Variants in IGF1 observed in about 807,000 individuals in gnomAD.
IGF1 encodes the protein insulin-like growth factor 1.
IGF1 carries 4 observed loss-of-function variants against 13.8 expected under a neutral mutation model. That is an observed-to-expected ratio of 0.29 (90% CI 0.14 to 0.66). The LOEUF is 0.66. Ranked by LOEUF, IGF1 falls within the 30% of genes least tolerant of loss-of-function variation. The probability of loss-of-function intolerance (pLI) is 0.78; values close to 1 mark genes in which losing one functional copy is unlikely to be tolerated. For missense variants in IGF1, 124 were observed against 188.5 expected (o/e 0.66, Z 2.00); for synonymous variants, 76 against 72.6 (o/e 1.05, Z -0.23).
chr12:102,457,597 T>C (rs558608208), intron 2 of IGF1, among the ~76,000 whole-genome samples: 3 of 152,326 alleles, frequency 2.0e-5, no homozygotes, highest in Non-Finnish European at 1.5e-5. Context: ...AGGTGTAAAT[T>C]CCACCTACTT....
At position 102,419,501 on chromosome 12, in the gene IGF1, G is replaced by T; in HGVS notation, c.402+8C>A. ...GAGGATGGCTGGATCCCACCCAGGTGGGCTTACCTTCTGGGTCTTGGGCAT... is the reference window on the plus strand; with the variant it reads ...GAGGATGGCTGGATCCCACCCAGGTTGGCTTACCTTCTGGGTCTTGGGCAT... On this transcript the variant is annotated splice_region_variant and intron_variant, in intron 3 of 3. Transcript: ENST00000337514. 6.2e-7 allele frequency: 1 copy of T among 1,611,672 alleles called. No homozygotes were observed.
rs1873376418 is a variant in IGF1, at chr12:102,398,100, AAAC to A, written c.*4404_*4406del. The A allele has an allele frequency of 1.3e-5, 2 of 151,958 alleles. No homozygotes were observed. The highest frequency in any genetic ancestry group is 2.4e-5 in the African/African-American group (1 of 41,356). The allele number at this position is 151,958 out of a possible 1,614,324, so 9.4% of individuals were successfully genotyped here. On this transcript the variant is annotated 3_prime_UTR_variant, in exon 4 of 4. Coordinates refer to ENST00000337514, the MANE Select transcript of IGF1 (RefSeq NM_000618.5). ...ACTGTATAAAGTAAAAAAAAAAAAA[AAAC>A]AAAAACAAGAAACAAAAAATCTTCA...
intron 2 of IGF1, among the ~76,000 whole-genome samples, chr12:102,444,565 T>G (rs1270817299): frequency 2.6e-5 from 4 of 152,084 alleles, no homozygotes; most frequent in African/African-American, 9.7e-5. Flanking sequence ...GGAATACTCT[T>G]TATAGATTAA....
chr12:102,404,738 A>G (rs1317266712), intron 3 of IGF1, among the ~76,000 whole-genome samples: 1 of 148,370 alleles, frequency 6.7e-6, no homozygotes, highest in Non-Finnish European at 1.5e-5. Context: ...GTTCCCAGTA[A>G]ACTTGTGTTT....
chr12:102,481,041 G>A (rs1272709151), upstream of IGF1, among the ~76,000 whole-genome samples: 1 of 152,184 alleles, frequency 6.6e-6, no homozygotes, highest in Non-Finnish European at 1.5e-5. Flanking sequence ...AAAGTAGATT[G>A]GAAGACAGCA....
intron 2 of IGF1, among the ~76,000 whole-genome samples, chr12:102,459,664 A>C (rs113600354): frequency 1.1e-4 from 16 of 151,230 alleles, no homozygotes; most frequent in African/African-American, 3.9e-4. Flanking sequence ...CCGGCTAAAA[A>C]CTCCACTTGC....
intron 2 of IGF1, among the ~76,000 whole-genome samples, chr12:102,441,336 G>C (rs1200161195): frequency 6.6e-6 from 1 of 152,190 alleles, no homozygotes; most frequent in Non-Finnish European, 1.5e-5. Context: ...TAACCAGGCA[G>C]GCAATATATT....
chr12:102,441,939 T>TCTCCTTCTC (rs1877836980), intron 2 of IGF1, among the ~76,000 whole-genome samples: 1 of 136,782 alleles, frequency 7.3e-6, no homozygotes, highest in African/African-American at 2.7e-5. Context: ...TTCTTCTTCT[T>TCTCCTTCTC]CTTCTTCTTC....
chr12:102,449,584 T>C (rs1010714105), intron 2 of IGF1, among the ~76,000 whole-genome samples: 3 of 150,782 alleles, frequency 2.0e-5, no homozygotes, highest in Admixed American at 6.6e-5. Flanking sequence ...TACGGTTTTC[T>C]GTTTGCAGAA....
rs1046600247 is a variant in IGF1 at position 102,397,116 on chromosome 12, C to T, written c.*5391G>A. 4.9e-5 allele frequency: 15 copies of T among 308,684 alleles called. No homozygotes were observed. The highest frequency in any genetic ancestry group is 1.8e-5 in the Non-Finnish European group (3 of 170,492). The allele number at this position is 308,684 out of a possible 1,614,324, so 19.1% of individuals were successfully genotyped here. A position where few individuals can be genotyped will look rare whatever the true frequency, so the allele number is the denominator to read the frequency against. ...ACTCAGGAGGCTGAGGCAGGAGAAT[C>T]GCTTAAACCCAGGAGGTGGAGGTTG... On this transcript the variant is annotated 3_prime_UTR_variant, in exon 4 of 4. Coordinates refer to ENST00000337514, the MANE Select transcript of IGF1 (RefSeq NM_000618.5).
At chr12:102,430,615 T>C (rs1393732776) in intron 2 of IGF1, among the ~76,000 whole-genome samples, 3 of 152,196 alleles carry the variant, frequency 2.0e-5, no homozygotes, top group Non-Finnish European at 2.9e-5. Context: ...AAAAAAAGAA[T>C]TTTAGTAAAA....
At position 102,456,801 on chromosome 12, in the gene IGF1, T is replaced by C. The variant is rs17032577; in HGVS notation, c.220+18842A>G. On this transcript the variant is annotated intron_variant, in intron 2 of 3. Transcript: ENST00000337514. ...AAATCATACATGACCCAAAAAGGAATGACAGTCCCCACGTTCCAAAGGAAG... is the reference window on the plus strand; with the variant it reads ...AAATCATACATGACCCAAAAAGGAACGACAGTCCCCACGTTCCAAAGGAAG... Among the ~76,000 whole-genome samples the C allele has an allele frequency of 1.0e-3, 152 of 152,322 alleles. 1 individual carries two copies. The East Asian group carries it at 0.028, about 28-fold the overall frequency.
chr12:102,435,667 T>C (rs1454435456), intron 2 of IGF1, among the ~76,000 whole-genome samples: 1 of 152,232 alleles, frequency 6.6e-6, no homozygotes, highest in Non-Finnish European at 1.5e-5. Flanking sequence ...TCCACCCACA[T>C]ACTTGTCCCC....
At chr12:102,442,569 T>C (rs757175756) in intron 2 of IGF1, among the ~76,000 whole-genome samples, 7 of 152,124 alleles carry the variant, frequency 4.6e-5, no homozygotes, top group Non-Finnish European at 8.8e-5. Flanking sequence ...CAGGCTCCTT[T>C]TTAAGCTCTG....
chr12:102,436,835 G>A (rs1877277429), intron 2 of IGF1, among the ~76,000 whole-genome samples: 2 of 152,200 alleles, frequency 1.3e-5, no homozygotes, highest in South Asian at 4.1e-4. Context: ...CAGGAAGAAG[G>A]CACATGAAGC....
In IGF1 at chr12:102,398,967, T is replaced by A. The variant is rs897313948; in HGVS notation, c.*3540A>T. ...CTGGAGCCACAGAGCATGAGATGGT[T>A]TCATCTACACAAACATTGACGTTCC... is the stretch of plus-strand genomic sequence containing the variant. On this transcript the variant is annotated 3_prime_UTR_variant, in exon 4 of 4. Coordinates refer to ENST00000337514, the MANE Select transcript of IGF1 (RefSeq NM_000618.5). 6.6e-6 allele frequency: 1 copy of A among 152,436 alleles called. No individual in the cohort carries two copies. Among genetic ancestry groups the A allele is most frequent in the Non-Finnish European group, 1.5e-5 (1 of 67,972 alleles). The allele number at this position is 152,436 out of a possible 1,614,324, so 9.4% of individuals were successfully genotyped here. A position where few individuals can be genotyped will look rare whatever the true frequency, so the allele number is the denominator to read the frequency against.
At chr12:102,458,821 A>G (rs1026676205) in intron 2 of IGF1, among the ~76,000 whole-genome samples, 9 of 151,910 alleles carry the variant, frequency 5.9e-5, no homozygotes, top group African/African-American at 1.7e-4. Flanking sequence ...CATCTGGTAG[A>G]AGATTTTACA....
At chr12:102,475,551 CA>C (rs1263869168) in intron 2 of IGF1, 91 bp downstream of exon 2, 1 of 1,405,184 alleles carries the variant, frequency 7.1e-7, no homozygotes, top group African/African-American at 1.4e-5. Context: ...TACGGGCACT[CA>C]TTCAGTTATT....
rs1873212626 is a variant in IGF1, at chr12:102,396,724, G to A, written c.*5783C>T. Reference sequence around the variant, plus strand: ...GGTAATTCAGCTCCGGTTATTAGGAGAAACTCTGTCTCCATCTTAACTCAT... The same window carrying A: ...GGTAATTCAGCTCCGGTTATTAGGAAAAACTCTGTCTCCATCTTAACTCAT... On this transcript the variant is annotated 3_prime_UTR_variant, in exon 4 of 4. Coordinates refer to ENST00000337514, the MANE Select transcript of IGF1 (RefSeq NM_000618.5). 7.6e-6 allele frequency: 3 copies of A among 394,100 alleles called. No individual in the cohort carries two copies. The highest frequency in any genetic ancestry group is 8.9e-6 in the Non-Finnish European group (2 of 223,530). The allele number at this position is 394,100 out of a possible 1,614,324, so 24.4% of individuals were successfully genotyped here.
Sources: gnomAD v4.1 joint callset for allele counts (sites outside exome capture counted in the v4.1 genomes callset) on GRCh38, gnomAD v4.1.1 for gene constraint, MANE v1.5 for transcripts, NCBI Gene and HGNC (gene_info 2026-07-23, HGNC 2026-07-21) for gene names.